SCN8A: variants seen among roughly 807,000 people sequenced by gnomAD.
The protein encoded by SCN8A is sodium voltage-gated channel alpha subunit 8, also known as sodium channel protein type 8 subunit alpha.
SCN8A carries 30 observed loss-of-function variants against 184.1 expected under a neutral mutation model. The observed-to-expected ratio is 0.16, with a 90% confidence interval of 0.12 to 0.22. The LOEUF is 0.22. Ranked by LOEUF, SCN8A falls within the 10% of genes least tolerant of loss-of-function variation. The pLI is 1.00. For synonymous variants in SCN8A, 852 were observed against 907.0 expected, an observed-to-expected ratio of 0.94 and a Z score of 1.09; for missense variants, 1,057 against 2,498.9, an observed-to-expected ratio of 0.42 and a Z score of 12.30.
rs906979620 is a variant in SCN8A at position 51,753,143 on chromosome 12, T to TA, written c.2370+1557dup. Among the ~76,000 whole-genome samples the TA allele has an allele frequency of 2.0e-4, 30 of 151,930 alleles. 6 individuals carry two copies. Among genetic ancestry groups the TA allele is most frequent in the African/African-American group, 7.2e-4 (30 of 41,404 alleles). ...AGAAGACTTTGCTCAGAACCATCAG[T>TA]AAAAAAAGAGGAAATAAGAGAAGGT... On this transcript the variant is annotated intron_variant, in intron 14 of 26. Transcript: ENST00000627620.
At chr12:51,790,543 T>C (rs1340080478) in intron 25 of SCN8A, 41 bp downstream of exon 25, 1 of 1,358,940 alleles carries the variant, frequency 7.4e-7, no homozygotes, top group Non-Finnish European at 1.0e-6. Flanking sequence ...TGAGAACCCA[T>C]ATAGGAAAAG....
At chr12:51,600,093 TA>T in intron 1 of SCN8A, among the ~76,000 whole-genome samples, 1 of 152,226 alleles carries the variant, frequency 6.6e-6, no homozygotes, top group East Asian at 1.9e-4. Context: ...CTTGAGCTTT[TA>T]ATGTTATTTC....
In SCN8A at chr12:51,769,296, G is replaced by C. The variant is rs1280506919; in HGVS notation, c.3333G>C (p.Glu1111Asp). 2 of 1,604,554 alleles carry C rather than the reference G, an allele frequency of 1.2e-6. No individual in the cohort carries two copies. The highest frequency in any genetic ancestry group is 1.7e-6 in the Non-Finnish European group (2 of 1,172,504). The change falls in exon 17 of 27, where the codon GAG (glutamate) becomes GAC (aspartate). Residue 1111 changes from glutamate (E) to aspartate (D), a missense_variant. Physicochemically the swap from Glu to Asp is conservative, Grantham distance 45. Transcript: ENST00000627620. ...CTGACTTTGAGAACCTCAACACAGAGGATGTTAGCAGCGAGTCGGATCCTG... is the reference window on the plus strand; with the variant it reads ...CTGACTTTGAGAACCTCAACACAGACGATGTTAGCAGCGAGTCGGATCCTG... ...GESDFENLNT[E>D]DVSSESDPEG...
chr12:51,678,073 T>G (rs561234762), intron 2 of SCN8A, among the ~76,000 whole-genome samples: 1 of 152,328 alleles, frequency 6.6e-6, no homozygotes, highest in East Asian at 1.9e-4. Flanking sequence ...AATGTCCTTT[T>G]CTGGATTCCC....
At chr12:51,606,342 G>C (rs1375833161) in intron 1 of SCN8A, among the ~76,000 whole-genome samples, 1 of 152,126 alleles carries the variant, frequency 6.6e-6, no homozygotes, top group Admixed American at 6.5e-5. Context: ...TTGTTGAAAA[G>C]GGTGTCTATT....
chr12:51,674,263 A>G (rs1592370883), intron 2 of SCN8A, among the ~76,000 whole-genome samples: 1 of 152,138 alleles, frequency 6.6e-6, no homozygotes, highest in Non-Finnish European at 1.5e-5. Context: ...CTTGTGCACA[A>G]GTGTCCTTCC....
intron 14 of SCN8A, among the ~76,000 whole-genome samples, chr12:51,752,420 A>T (rs60241672): frequency 0.019 from 2,895 of 150,458 alleles, 99 homozygotes; most frequent in African/African-American, 0.066. Context: ...TCCCTCTCTC[A>T]CACACACACA....
At chr12:51,779,219 C>CA (rs35152992) in intron 20 of SCN8A, among the ~76,000 whole-genome samples, 80,734 of 125,086 alleles carry the variant, frequency 0.65, 27,085 homozygotes, top group Non-Finnish European at 0.76. Context: ...GACTTTGTCT[C>CA]AAAAAAAAAA....
intron 26 of SCN8A, among the ~76,000 whole-genome samples, chr12:51,804,171 A>C (rs1195994500): frequency 6.6e-6 from 1 of 152,066 alleles, no homozygotes; most frequent in Non-Finnish European, 1.5e-5. Context: ...ATTGCTCTGT[A>C]GCTTTAAAGA....
intron 1 of SCN8A, among the ~76,000 whole-genome samples, chr12:51,635,656 G>C (rs1258571497): frequency 6.6e-6 from 1 of 152,152 alleles, no homozygotes; most frequent in African/African-American, 2.4e-5. Context: ...TGAAAAGCCA[G>C]AGCTTTAGAT....
chr12:51,689,995 C>CG (rs1262606239), intron 6 of SCN8A: 1 of 152,164 alleles, frequency 6.6e-6, no homozygotes, highest in African/African-American at 2.4e-5. Context: ...ACAGACCCCC[C>CG]CCGAAGCCCA....
At chr12:51,701,853 G>GT (rs1405145827) in intron 8 of SCN8A, among the ~76,000 whole-genome samples, 2 of 152,140 alleles carry the variant, frequency 1.3e-5, no homozygotes, top group Non-Finnish European at 2.9e-5. Context: ...AAGAACTGGT[G>GT]TTTTAACATG....
chr12:51,622,121 A>G (rs1939975412), intron 1 of SCN8A, among the ~76,000 whole-genome samples: 1 of 152,244 alleles, frequency 6.6e-6, no homozygotes. Context: ...TTTCTCGCTA[A>G]CTTGACCTTA....
intron 14 of SCN8A, among the ~76,000 whole-genome samples, chr12:51,757,763 G>A (rs773622541): frequency 2.0e-5 from 3 of 151,998 alleles, no homozygotes; most frequent in Non-Finnish European, 4.4e-5. Context: ...TTCCAGCCTG[G>A]GTGACAGAGC....
At chr12:51,653,566 A>C (rs1482456914) in intron 1 of SCN8A, among the ~76,000 whole-genome samples, 1 of 152,116 alleles carries the variant, frequency 6.6e-6, no homozygotes, top group Non-Finnish European at 1.5e-5. Context: ...TTGTTTATTC[A>C]TTCATCCATT....
At chr12:51,603,600 A>C (rs1939517065) in intron 1 of SCN8A, among the ~76,000 whole-genome samples, 1 of 152,204 alleles carries the variant, frequency 6.6e-6, no homozygotes, top group Non-Finnish European at 1.5e-5. Context: ...TACCTTTATA[A>C]GCAACTAACA....
chr12:51,606,798 T>G (rs1939602102), intron 1 of SCN8A, among the ~76,000 whole-genome samples: 2 of 151,766 alleles, frequency 1.3e-5, no homozygotes, highest in Non-Finnish European at 2.9e-5. Context: ...AGAGGTCTTT[T>G]GACTCCTTGG....
At chr12:51,723,734 C>T (rs903371109) in intron 12 of SCN8A, among the ~76,000 whole-genome samples, 24 of 151,778 alleles carry the variant, frequency 1.6e-4, no homozygotes, top group South Asian at 6.2e-4. Flanking sequence ...AAAGATTAGC[C>T]GGATGTGGGA....
At chr12:51,620,513 A>T (rs536138413) in intron 1 of SCN8A, among the ~76,000 whole-genome samples, 1 of 152,180 alleles carries the variant, frequency 6.6e-6, no homozygotes, top group South Asian at 2.1e-4. Flanking sequence ...AGAAATTGGG[A>T]TGAGCACGTA....
Sources: allele counts gnomAD v4.1 joint callset (sites outside exome capture counted in the v4.1 genomes callset), GRCh38; gene constraint gnomAD v4.1.1; transcripts MANE v1.5; gene names NCBI Gene and HGNC (gene_info 2026-07-23, HGNC 2026-07-21).